Variants in LRP1B observed in about 807,000 individuals in gnomAD.
LRP1B encodes LDL receptor related protein 1B, also known as low-density lipoprotein receptor-related protein 1B.
In LRP1B, 217 loss-of-function variants were observed where a neutral mutation model predicts 556.6. That is an observed-to-expected ratio of 0.39 (90% CI 0.35 to 0.44). The LOEUF (loss-of-function observed/expected upper bound fraction) is 0.44. Ranked by LOEUF, LRP1B falls within the 20% of genes least tolerant of loss-of-function variation. The pLI is 1.00. For missense variants in LRP1B, 5,053 were observed against 5,620.8 expected (o/e 0.90, Z 3.23); for synonymous variants, 2,047 against 1,865.8 (o/e 1.10, Z -2.50).
chr2:141,489,528 T>C (rs1445082849), intron 2 of LRP1B, among the ~76,000 whole-genome samples: 1 of 151,984 alleles, frequency 6.6e-6, no homozygotes, highest in Non-Finnish European at 1.5e-5. Flanking sequence ...TTACTCAATG[T>C]TATTTGGGAA....
At chr2:141,600,825 C>T (rs190238385) in intron 2 of LRP1B, among the ~76,000 whole-genome samples, 22 of 152,174 alleles carry the variant, frequency 1.4e-4, no homozygotes, top group African/African-American at 5.1e-4. Flanking sequence ...GGAGTCCAGG[C>T]AGTTATACCA....
At chr2:141,511,657 C>A (rs1038487951) in intron 2 of LRP1B, among the ~76,000 whole-genome samples, 1 of 152,126 alleles carries the variant, frequency 6.6e-6, no homozygotes, top group Non-Finnish European at 1.5e-5. Flanking sequence ...GCTTGCTATT[C>A]CAAAACCTTG....
At chr2:141,770,235 T>C (rs1215785219) in intron 2 of LRP1B, among the ~76,000 whole-genome samples, 2 of 152,328 alleles carry the variant, frequency 1.3e-5, no homozygotes, top group East Asian at 1.9e-4. Flanking sequence ...CTTTCTCTTA[T>C]GCACTTCCCT....
chr2:140,728,499 G>A (rs1386270742), intron 35 of LRP1B, among the ~76,000 whole-genome samples: 2 of 152,096 alleles, frequency 1.3e-5, no homozygotes, highest in South Asian at 2.1e-4. Flanking sequence ...ATCTTCAGGG[G>A]ACCAGCAACC....
chr2:141,051,513 A>G (rs906975915), intron 10 of LRP1B, among the ~76,000 whole-genome samples: 16 of 152,076 alleles, frequency 1.1e-4, no homozygotes, highest in Admixed American at 9.8e-4. Flanking sequence ...ATTCTCAGCA[A>G]ATTAGCACAC....
intron 17 of LRP1B, among the ~76,000 whole-genome samples, chr2:140,988,092 C>G (rs1181362705): frequency 6.6e-6 from 1 of 152,084 alleles, no homozygotes; most frequent in Non-Finnish European, 1.5e-5. Context: ...AAAATTCTAG[C>G]TAATATGCAG....
rs559757424 is a variant in LRP1B at position 141,372,708 on chromosome 2, A to G, written c.343+107688T>C. On this transcript the variant is annotated intron_variant, in intron 3 of 90. Coordinates refer to ENST00000389484, the MANE Select transcript of LRP1B (RefSeq NM_018557.3). Reference sequence around the variant, plus strand: ...GTCTCTCATGATATTTTTAATTTCTATGGTATCAGTTGTAATATCTCCTTT... The same window carrying G: ...GTCTCTCATGATATTTTTAATTTCTGTGGTATCAGTTGTAATATCTCCTTT... Among the ~76,000 whole-genome samples the G allele has an allele frequency of 2.3e-3, 352 of 152,108 alleles. 2 individuals are homozygous for G. In the Middle Eastern group the frequency reaches 0.034, roughly 15 times the overall value.
At chr2:140,644,392 T>C (rs1207793970) in intron 41 of LRP1B, among the ~76,000 whole-genome samples, 3 of 147,394 alleles carry the variant, frequency 2.0e-5, no homozygotes, top group Non-Finnish European at 4.4e-5. Flanking sequence ...ATTTCTTTCT[T>C]TCTTTTTTCT....
chr2:141,401,313 T>A (rs1690445045), intron 3 of LRP1B, among the ~76,000 whole-genome samples: 1 of 152,196 alleles, frequency 6.6e-6, no homozygotes, highest in African/African-American at 2.4e-5. Flanking sequence ...TAGTCACCAA[T>A]ATTATTATTA....
At position 140,549,604 on chromosome 2, in the gene LRP1B, A is replaced by G. The variant is rs79182452; in HGVS notation, c.7195-7633T>C. ...TAGAAGGACAGGAGCAAAGTAAAATACTATTTTTACTGTCACTGTTTATGT... is the reference window on the plus strand; with the variant it reads ...TAGAAGGACAGGAGCAAAGTAAAATGCTATTTTTACTGTCACTGTTTATGT... On this transcript the variant is annotated intron_variant, in intron 43 of 90. Coordinates refer to ENST00000389484, the MANE Select transcript of LRP1B (RefSeq NM_018557.3). Among the ~76,000 whole-genome samples the G allele has an allele frequency of 3.1e-3, 478 of 152,302 alleles. 4 individuals carry two copies. Among genetic ancestry groups the G allele is most frequent in the African/African-American group, 0.011 (454 of 41,562 alleles).
intron 2 of LRP1B, among the ~76,000 whole-genome samples, chr2:141,608,447 C>T (rs897557317): frequency 6.6e-6 from 1 of 152,144 alleles, no homozygotes; most frequent in Admixed American, 6.6e-5. Context: ...ACAGCTTCTC[C>T]AATATCTGCT....
chr2:141,765,943 A>G (rs1448786135), intron 2 of LRP1B, among the ~76,000 whole-genome samples: 1 of 152,172 alleles, frequency 6.6e-6, no homozygotes, highest in Non-Finnish European at 1.5e-5. Flanking sequence ...CAAGTTTATG[A>G]TGTACCGAGT....
intron 1 of LRP1B, among the ~76,000 whole-genome samples, chr2:141,826,497 C>T (rs1574404211): frequency 6.6e-6 from 1 of 151,408 alleles, no homozygotes; most frequent in Admixed American, 6.6e-5. Flanking sequence ...GTAGCTGGGA[C>T]TACAGGTGCC....
At chr2:141,998,217 T>C (rs903255586) in intron 1 of LRP1B, among the ~76,000 whole-genome samples, 4 of 152,106 alleles carry the variant, frequency 2.6e-5, no homozygotes, top group African/African-American at 7.2e-5. Context: ...AAAATCTTAG[T>C]AGATTTCTAT....
chr2:140,359,009 C>A, intron 72 of LRP1B, 63 bp from the exon 73 acceptor site: 13 of 1,476,392 alleles, frequency 8.8e-6, no homozygotes, highest in Non-Finnish European at 1.2e-5. Flanking sequence ...GAAGAACATT[C>A]TTCCTTTTTC....
intron 2 of LRP1B, among the ~76,000 whole-genome samples, chr2:141,706,850 C>T (rs1310605920): frequency 6.6e-6 from 1 of 151,964 alleles, no homozygotes; most frequent in Non-Finnish European, 1.5e-5. Flanking sequence ...GTTCTAATTA[C>T]TACTTAAAAA....
At chr2:141,565,138 G>T (rs1686285039) in intron 2 of LRP1B, among the ~76,000 whole-genome samples, 1 of 152,048 alleles carries the variant, frequency 6.6e-6, no homozygotes, top group Admixed American at 6.6e-5. Flanking sequence ...TGAATTAAGA[G>T]TCCATTGTGT....
intron 51 of LRP1B, among the ~76,000 whole-genome samples, chr2:140,514,429 T>C (rs1689796287): frequency 6.6e-6 from 1 of 151,926 alleles, no homozygotes; most frequent in Non-Finnish European, 1.5e-5. Flanking sequence ...AATACATTTG[T>C]TGTGGCAATA....
At chr2:141,738,014 T>G (rs1438353819) in intron 2 of LRP1B, among the ~76,000 whole-genome samples, 3 of 152,062 alleles carry the variant, frequency 2.0e-5, no homozygotes, top group Non-Finnish European at 4.4e-5. Flanking sequence ...TCCATTTTAC[T>G]CGTTGATCCT....
Sources: gnomAD v4.1 joint callset for allele counts (sites outside exome capture counted in the v4.1 genomes callset) on GRCh38, gnomAD v4.1.1 for gene constraint, MANE v1.5 for transcripts, NCBI Gene and HGNC (gene_info 2026-07-23, HGNC 2026-07-21) for gene names.